The following ACACA variants were observed in gnomAD, a reference collection of about 807,000 sequenced individuals.
ACACA encodes acetyl-CoA carboxylase 1.
A neutral mutation model predicts 296.1 loss-of-function variants in ACACA; 103 were observed. The observed-to-expected ratio is 0.35, with a 90% CI of 0.30 to 0.41. The LOEUF (loss-of-function observed/expected upper bound fraction) is 0.41, where lower values mean the gene tolerates loss of function less well. Ranked by LOEUF, ACACA falls within the 10% of genes least tolerant of loss-of-function variation. The pLI, the probability that ACACA is intolerant of heterozygous loss-of-function variation, is 1.00. For synonymous variants in ACACA, 953 were observed against 1,038.6 expected, an observed-to-expected ratio of 0.92 and a Z score of 1.58; for missense variants, 1,554 against 2,989.7, an observed-to-expected ratio of 0.52 and a Z score of 11.20.
At chr17:37,112,049 A>ACTATCTATCTATCTATCTAT (rs10531552) in intron 51 of ACACA, among the ~76,000 whole-genome samples, 3,493 of 149,428 alleles carry the variant, frequency 0.023, 107 homozygotes, top group African/African-American at 0.067. Context: ...CTTCATCAAT[A>ACTATCTATCTATCTATCTAT]CTATCTATCT....
At position 37,143,901 on chromosome 17, in the gene ACACA, C is replaced by T. The variant is rs143544304; in HGVS notation, c.5679+5963G>A. The T allele has an allele frequency of 5.9e-4, 894 of 1,504,728 alleles. 5 individuals carry two copies. The African/African-American group carries it at 7.9e-3, about 13-fold the overall frequency. 93.2% of individuals were successfully genotyped at this position (1,504,728 alleles called of 1,614,324 possible). On this transcript the variant is annotated intron_variant, in intron 45 of 55. Transcript: ENST00000616317. ...TGTCATCTGCAGCAGTGTTATTCCACATCTCTCCCAGTTTCTTTGCAACAT... is the reference window on the plus strand; with the variant it reads ...TGTCATCTGCAGCAGTGTTATTCCATATCTCTCCCAGTTTCTTTGCAACAT...
chr17:37,195,489 T>C (rs1390325029), intron 35 of ACACA, among the ~76,000 whole-genome samples: 1 of 152,042 alleles, frequency 6.6e-6, no homozygotes, highest in Non-Finnish European at 1.5e-5. Context: ...TAAGGTTAGC[T>C]AAGAAAAGTT....
intron 5 of ACACA, among the ~76,000 whole-genome samples, chr17:37,279,313 C>T (rs1167481437): frequency 6.6e-6 from 1 of 152,044 alleles, no homozygotes; most frequent in Admixed American, 6.6e-5. Context: ...TTAGATAATA[C>T]AACAGAATAT....
rs199660020 is a variant in ACACA at position 37,185,578 on chromosome 17, C to CT, written c.4776+2698dup. On this transcript the variant is annotated intron_variant, in intron 39 of 55. Coordinates refer to ENST00000616317, the MANE Select transcript of ACACA (RefSeq NM_198834.3). ...AAGATGATTTTAAAATGTTATTTTT[C>CT]TTTTTTTTGAGACGGATTCTTGCTC... is the stretch of plus-strand genomic sequence containing the variant. Among the ~76,000 whole-genome samples, 243 of 147,316 alleles carry CT rather than the reference C, an allele frequency of 1.6e-3. 1 individual carries two copies. The highest frequency in any genetic ancestry group is 5.7e-3 in the African/African-American group (228 of 39,902).
At chr17:37,200,537 A>C (rs1308107314) in intron 33 of ACACA, 54 bp from the exon 34 acceptor site, 1 of 1,514,334 alleles carries the variant, frequency 6.6e-7, no homozygotes, top group African/African-American at 1.4e-5. Flanking sequence ...ATTCATTCTA[A>C]ATTTTATCCC....
intron 1 of ACACA, among the ~76,000 whole-genome samples, chr17:37,371,950 G>A (rs1453321088): frequency 6.6e-6 from 1 of 152,024 alleles, no homozygotes; most frequent in African/African-American, 2.4e-5. Context: ...CATGCTGGTG[G>A]CTGATCCCTA....
At chr17:37,180,379 C>T (rs1264086296) in intron 40 of ACACA, among the ~76,000 whole-genome samples, 1 of 152,138 alleles carries the variant, frequency 6.6e-6, no homozygotes, top group African/African-American at 2.4e-5. Flanking sequence ...AGGAATTCTA[C>T]ACAGACTATT....
At chr17:37,319,516 C>T (rs2047246426) in intron 3 of ACACA, among the ~76,000 whole-genome samples, 1 of 152,006 alleles carries the variant, frequency 6.6e-6, no homozygotes, top group African/African-American at 2.4e-5. Flanking sequence ...TTTAATAAAG[C>T]ATGATTTAAA....
chr17:37,381,679 G>C (rs936252497), intron 1 of ACACA, among the ~76,000 whole-genome samples: 1 of 144,838 alleles, frequency 6.9e-6, no homozygotes, highest in Non-Finnish European at 1.5e-5. Context: ...CCAGGCTGGA[G>C]TGCAGTGGTG....
At chr17:37,381,690 C>CAT (rs2050272118) in intron 1 of ACACA, among the ~76,000 whole-genome samples, 1 of 140,274 alleles carries the variant, frequency 7.1e-6, no homozygotes, top group Non-Finnish European at 1.5e-5. Context: ...TGCAGTGGTG[C>CAT]GATCTCAGCT....
At chr17:37,294,798 C>T (rs746202882) in intron 3 of ACACA, among the ~76,000 whole-genome samples, 1 of 152,210 alleles carries the variant, frequency 6.6e-6, no homozygotes, top group Non-Finnish European at 1.5e-5. Context: ...CTGGAGGATC[C>T]CTGGGCCGTC....
chr17:37,188,140 A>G, intron 39 of ACACA, 137 bp downstream of exon 39: 3 of 881,364 alleles, frequency 3.4e-6, no homozygotes, highest in Non-Finnish European at 5.5e-6. Context: ...AAATTCATAC[A>G]ATCATTTAAT....
chr17:37,349,447 GAT>G (rs2048790537), intron 1 of ACACA, among the ~76,000 whole-genome samples: 3 of 145,872 alleles, frequency 2.1e-5, no homozygotes, highest in Admixed American at 6.9e-5. Flanking sequence ...ATATAGATAA[GAT>G]ATATCTTACA....
chr17:37,170,135 G>A (rs1598049685), intron 41 of ACACA, among the ~76,000 whole-genome samples: 1 of 152,094 alleles, frequency 6.6e-6, no homozygotes, highest in Middle Eastern at 3.4e-3. Flanking sequence ...ATTAGGTTTA[G>A]GGTTATCAAC....
chr17:37,287,611 T>C (rs993574837), intron 3 of ACACA, among the ~76,000 whole-genome samples: 1 of 143,608 alleles, frequency 7.0e-6, no homozygotes, highest in African/African-American at 2.6e-5. Context: ...GGCATGGTGG[T>C]GCACGTCTGT....
intron 16 of ACACA, among the ~76,000 whole-genome samples, chr17:37,249,779 T>C (rs1433644734): frequency 8.5e-6 from 1 of 118,096 alleles, no homozygotes; most frequent in African/African-American, 2.6e-5. Context: ...GAAACAAATA[T>C]TGCATGTTGA....
At chr17:37,227,607 G>A (rs1230371321) in intron 25 of ACACA, among the ~76,000 whole-genome samples, 1 of 151,990 alleles carries the variant, frequency 6.6e-6, no homozygotes, top group African/African-American at 2.4e-5. Flanking sequence ...TGTGGCTCAC[G>A]CCTGTAATCT....
At chr17:37,289,400 C>T in intron 3 of ACACA, 1 of 1,298,486 alleles carries the variant, frequency 7.7e-7, no homozygotes, top group Non-Finnish European at 1.0e-6. Context: ...GAGAATAAGG[C>T]TAAGGAAGTA....
chr17:37,339,082 A>G (rs559548382), intron 2 of ACACA, among the ~76,000 whole-genome samples: 1 of 152,306 alleles, frequency 6.6e-6, no homozygotes, highest in East Asian at 1.9e-4. Flanking sequence ...CAGCAGCAAA[A>G]AGCCTATTTC....
Sources: gnomAD v4.1 joint callset for allele counts (sites outside exome capture counted in the v4.1 genomes callset) on GRCh38, gnomAD v4.1.1 for gene constraint, MANE v1.5 for transcripts, NCBI Gene and HGNC (gene_info 2026-07-23, HGNC 2026-07-21) for gene names.